Variants in FAM20C observed in about 807,000 individuals in gnomAD.
FAM20C encodes extracellular serine/threonine protein kinase FAM20C.
A neutral mutation model predicts 51.5 loss-of-function variants in FAM20C; 40 were observed. The observed-to-expected ratio is 0.78, with a 90% CI of 0.60 to 1.01. FAM20C has a LOEUF of 1.01. Among genes scored for constraint, FAM20C ranks in the 50% least tolerant of loss-of-function variants. FAM20C has a pLI of 0.00. For missense variants in FAM20C, 861 were observed against 844.7 expected (o/e 1.02, Z -0.24); for synonymous variants, 406 against 380.6 (o/e 1.07, Z -0.78).
chr7:215,226 G>GC (rs573529994), intron 3 of FAM20C, among the ~76,000 whole-genome samples: 5 of 75,708 alleles, frequency 6.6e-5, no homozygotes, highest in Admixed American at 1.2e-4. Context: ...AGAGGCTCCA[G>GC]CTGGGGGGGG....
Position 193,032 on chromosome 7 carries a change from G to T in FAM20C, c.-168G>T, listed in dbSNP as rs979656727. On this transcript the variant is annotated 5_prime_UTR_variant, in exon 1 of 10. Transcript: ENST00000313766. Reference sequence around the variant, plus strand: ...GATGGCGCGGGGACCCAGCGCTCCGGCGGCGGGCGCCCTGCACGCGGCCCG... The same window carrying T: ...GATGGCGCGGGGACCCAGCGCTCCGTCGGCGGGCGCCCTGCACGCGGCCCG... The T allele has an allele frequency of 2.3e-5, 8 of 343,008 alleles. No individual in the cohort carries two copies. Among genetic ancestry groups the T allele is most frequent in the Admixed American group, 5.6e-5 (1 of 17,928 alleles). The allele number at this position is 343,008 out of a possible 1,614,324, so 21.2% of individuals were successfully genotyped here. A position where few individuals can be genotyped will look rare whatever the true frequency, so the allele number is the denominator to read the frequency against.
chr7:213,903 C>G (rs1786842149), intron 3 of FAM20C, among the ~76,000 whole-genome samples: 1 of 152,156 alleles, frequency 6.6e-6, no homozygotes, highest in Non-Finnish European at 1.5e-5. Context: ...CTTGCACGTC[C>G]CGGTGACTAA....
intron 6 of FAM20C, 81 bp downstream of exon 6, chr7:256,110 C>A (rs747591791): frequency 2.0e-6 from 3 of 1,478,680 alleles, no homozygotes; most frequent in Non-Finnish European, 2.7e-6. Flanking sequence ...GGAGGGTCGG[C>A]GCCCACGGGG....
chr7:230,674 G>A (rs1277316800), intron 3 of FAM20C, among the ~76,000 whole-genome samples: 1 of 152,218 alleles, frequency 6.6e-6, no homozygotes, highest in Non-Finnish European at 1.5e-5. Flanking sequence ...TCGCGATACA[G>A]AAAGCTCTGA....
intron 3 of FAM20C, among the ~76,000 whole-genome samples, chr7:237,311 A>G (rs1787876637): frequency 6.6e-6 from 1 of 152,172 alleles, no homozygotes; most frequent in South Asian, 2.1e-4. Context: ...GGGGAAGGAG[A>G]GAGGGACAAA....
intron 3 of FAM20C, among the ~76,000 whole-genome samples, chr7:226,530 C>T (rs1470097792): frequency 6.6e-6 from 1 of 152,202 alleles, no homozygotes; most frequent in Non-Finnish European, 1.5e-5. Flanking sequence ...CTGGGCCTCT[C>T]AGGTGGCCCC....
chr7:197,946 C>A (rs1448913347), intron 2 of FAM20C, among the ~76,000 whole-genome samples: 1 of 152,216 alleles, frequency 6.6e-6, no homozygotes, highest in Admixed American at 6.5e-5. Flanking sequence ...GCAGTGGTGC[C>A]CAGGCTGCCT....
chr7:259,822 C>G lies in FAM20C; in HGVS notation c.1597C>G (p.Gln533Glu), dbSNP rs546198723. Residue 533 changes from glutamine (Q) to glutamate (E), a missense_variant, in exon 10 of 10, where the codon CAG (glutamine) becomes GAG (glutamate). Physicochemically the swap from Gln to Glu is conservative, Grantham distance 29. Around this residue, in one of 3 missense-constraint regions of FAM20C, gnomAD observed 269 missense variants for 283.8 expected, o/e 0.95. Coordinates refer to ENST00000313766, the MANE Select transcript of FAM20C (RefSeq NM_020223.4). ...LLMAESLRGD[Q>E]VAPVLYQPHL... The stretch of plus-strand genomic sequence containing the variant: ...GATGGCCGAGTCTCTGCGGGGGGAC[C>G]AGGTGGCACCCGTGCTGTACCAGCC... 2.6e-6 allele frequency: 4 copies of G among 1,536,406 alleles called. No individual in the cohort carries two copies. The East Asian group carries it at 7.3e-5, about 28-fold the overall frequency.
chr7:196,381 G>A (rs1452286910), intron 2 of FAM20C, among the ~76,000 whole-genome samples: 1 of 152,250 alleles, frequency 6.6e-6, no homozygotes, highest in Admixed American at 6.5e-5. Flanking sequence ...TGCAGCTTCT[G>A]AGCGTGGAGG....
intron 3 of FAM20C, among the ~76,000 whole-genome samples, chr7:210,124 C>T (rs1397224174): frequency 6.6e-6 from 1 of 152,222 alleles, no homozygotes; most frequent in African/African-American, 2.4e-5. Context: ...ACACGGAGGC[C>T]ATCAGAGCTC....
At chr7:256,107 C>T (rs1195985367) in intron 6 of FAM20C, 78 bp downstream of exon 6, 5 of 1,482,590 alleles carry the variant, frequency 3.4e-6, no homozygotes, top group Admixed American at 2.3e-5. Context: ...ATGGGAGGGT[C>T]GGCGCCCACG....
intron 3 of FAM20C, among the ~76,000 whole-genome samples, chr7:241,811 G>C (rs1787955535): frequency 6.6e-6 from 1 of 151,886 alleles, no homozygotes; most frequent in Non-Finnish European, 1.5e-5. Context: ...GTGTGAATGT[G>C]CATCTGTGTG....
chr7:202,388 C>T (rs1300152000), intron 2 of FAM20C, among the ~76,000 whole-genome samples: 2 of 145,414 alleles, frequency 1.4e-5, no homozygotes, highest in African/African-American at 2.6e-5. Context: ...GGCCCGTGGA[C>T]ATCTTCCTGT....
At chr7:245,588 G>C (rs1168264196) in intron 3 of FAM20C, among the ~76,000 whole-genome samples, 1 of 152,206 alleles carries the variant, frequency 6.6e-6, no homozygotes, top group South Asian at 2.1e-4. Flanking sequence ...GGTGGAGGAA[G>C]CATGCTTACA....
chr7:249,601 G>A (rs572272535), intron 5 of FAM20C, among the ~76,000 whole-genome samples: 2 of 152,170 alleles, frequency 1.3e-5, no homozygotes, highest in South Asian at 2.1e-4. Context: ...TTAGCCAGCC[G>A]TGGTGGCGCT....
intron 3 of FAM20C, among the ~76,000 whole-genome samples, chr7:212,377 C>G (rs772447005): frequency 1.3e-5 from 2 of 152,144 alleles, no homozygotes. Flanking sequence ...GCAGGAGATT[C>G]GCTTGAACCT....
chr7:259,482 G>C (rs1583349254), intron 9 of FAM20C, among the ~76,000 whole-genome samples: 2 of 36,424 alleles, frequency 5.5e-5, no homozygotes, highest in African/African-American at 4.4e-4. Context: ...CGGTCTGCCT[G>C]TTTCTCTTTA....
intron 2 of FAM20C, among the ~76,000 whole-genome samples, chr7:206,435 C>A (rs971807465): frequency 6.6e-6 from 1 of 152,264 alleles, no homozygotes; most frequent in African/African-American, 2.4e-5. Flanking sequence ...AGCCCCCATC[C>A]CACCTTTGCA....
Position 243,009 on chromosome 7 carries a change from A to AC in FAM20C, c.864-3404dup, listed in dbSNP as rs1331097090. On this transcript the variant is annotated intron_variant, in intron 3 of 9. Coordinates refer to ENST00000313766, the MANE Select transcript of FAM20C (RefSeq NM_020223.4). ...CTGTGCCACCCGGGAGACCTGTGCC[A>AC]CCAGGAGACCTGTGCTAACCAGGAG... Among the ~76,000 whole-genome samples the AC allele has an allele frequency of 5.7e-3, 793 of 138,096 alleles. 7 individuals are homozygous for AC. The highest frequency in any genetic ancestry group is 0.02 in the African/African-American group (699 of 35,046). The allele number at this position is 138,096 out of a possible 152,430, so 90.6% of individuals were successfully genotyped here. A position where few individuals can be genotyped will look rare whatever the true frequency, so the allele number is the denominator to read the frequency against.
Sources: allele counts gnomAD v4.1 joint callset (sites outside exome capture counted in the v4.1 genomes callset), GRCh38; gene constraint gnomAD v4.1.1; regional missense constraint gnomAD v4.1.1; transcripts MANE v1.5; gene names NCBI Gene and HGNC (gene_info 2026-07-23, HGNC 2026-07-21).